The following CUBN variants were observed in gnomAD, a reference collection of about 807,000 sequenced individuals.
CUBN encodes 460 kDa receptor.
A neutral mutation model predicts 405.3 loss-of-function variants in CUBN; 282 were observed. The observed-to-expected ratio is 0.70, with a 90% CI of 0.63 to 0.77. CUBN has a LOEUF of 0.77. Ranked by LOEUF, CUBN falls within the 30% of genes least tolerant of loss-of-function variation. The pLI, the probability that CUBN is intolerant of heterozygous loss-of-function variation, is 0.00. For synonymous variants in CUBN, 1,684 were observed against 1,617.0 expected, an observed-to-expected ratio of 1.04 and a Z score of -0.99; for missense variants, 4,514 against 4,475.2, an observed-to-expected ratio of 1.01 and a Z score of -0.25.
intron 59 of CUBN, among the ~76,000 whole-genome samples, chr10:16,857,203 G>C (rs1386524995): frequency 6.6e-6 from 1 of 152,084 alleles, no homozygotes; most frequent in South Asian, 2.1e-4. Context: ...GTTTTTTATT[G>C]TTTTGTTTGT....
At chr10:16,987,936 C>T (rs7072049) in intron 29 of CUBN, among the ~76,000 whole-genome samples, 81,666 of 152,058 alleles carry the variant, frequency 0.54, 23,662 homozygotes, top group African/African-American at 0.76. Flanking sequence ...TGGTGGAACA[C>T]GGGAGGCCAC....
chr10:16,996,833 A>G (rs1833747601), intron 28 of CUBN, among the ~76,000 whole-genome samples: 1 of 152,236 alleles, frequency 6.6e-6, no homozygotes, highest in Non-Finnish European at 1.5e-5. Flanking sequence ...TAAAGCCCAA[A>G]GAGGATGGCA....
rs1055505098 is a variant in CUBN, at chr10:16,825,197, G to A, written c.10765-115C>T. On this transcript the variant is annotated intron_variant, in intron 66 of 66. Coordinates refer to ENST00000377833, the MANE Select transcript of CUBN (RefSeq NM_001081.4). Reference sequence around the variant, plus strand: ...AAAGAAACTTTATAGAATTTATGGTGAACCTGCATATATTTCTTGAAGTAA... The same window carrying A: ...AAAGAAACTTTATAGAATTTATGGTAAACCTGCATATATTTCTTGAAGTAA... The A allele has an allele frequency of 7.1e-6, 5 of 700,620 alleles. No homozygotes were observed. In the African/African-American group the frequency reaches 8.9e-5, roughly 12 times the overall value. 43.4% of individuals were successfully genotyped at this position (700,620 alleles called of 1,614,324 possible). A position where few individuals can be genotyped will look rare whatever the true frequency, so the allele number is the denominator to read the frequency against.
At chr10:16,872,691 T>C (rs1840395754) in intron 58 of CUBN, among the ~76,000 whole-genome samples, 1 of 152,220 alleles carries the variant, frequency 6.6e-6, no homozygotes, top group Admixed American at 6.5e-5. Flanking sequence ...CAGTTTATGA[T>C]ATTTTGTTAA....
chr10:17,034,685 G>A (rs1181821051), intron 27 of CUBN, among the ~76,000 whole-genome samples: 1 of 152,118 alleles, frequency 6.6e-6, no homozygotes, highest in African/African-American at 2.4e-5. Flanking sequence ...CAGTTATAAG[G>A]ACTTTATCCT....
At chr10:16,862,402 T>C (rs959850126) in intron 59 of CUBN, among the ~76,000 whole-genome samples, 4 of 152,162 alleles carry the variant, frequency 2.6e-5, no homozygotes, top group African/African-American at 7.2e-5. Context: ...CTGGTAGCTC[T>C]GAGGATTAGA....
intron 56 of CUBN, among the ~76,000 whole-genome samples, chr10:16,883,120 T>C (rs1840711370): frequency 6.6e-6 from 1 of 151,686 alleles, no homozygotes; most frequent in South Asian, 2.1e-4. Flanking sequence ...AAGAAATGGG[T>C]TCTAGGCAGA....
chr10:16,826,527 CATT>C (rs1219225425), intron 66 of CUBN, among the ~76,000 whole-genome samples: 1 of 151,950 alleles, frequency 6.6e-6, no homozygotes, highest in Non-Finnish European at 1.5e-5. Flanking sequence ...TACATTTTTT[CATT>C]TATGTTTAAC....
At chr10:17,032,157 G>T (rs1300009492) in intron 27 of CUBN, among the ~76,000 whole-genome samples, 2 of 152,194 alleles carry the variant, frequency 1.3e-5, no homozygotes, top group Non-Finnish European at 2.9e-5. Flanking sequence ...GCTGGTGTAA[G>T]GGTGAGAAAC....
chr10:16,901,381 T>G lies in CUBN; in HGVS notation c.8141A>C (p.His2714Pro). 1 of 1,614,148 alleles carries G rather than the reference T, an allele frequency of 6.2e-7. No homozygotes were observed. The highest frequency in any genetic ancestry group is 1.1e-5 in the South Asian group (1 of 91,086). The stretch of plus-strand genomic sequence containing the variant: ...TGGGGCCTCCAACAGCGAAGAGCAG[T>G]GGGTCAGGCTGTCATAAGCATTTGG... ...NYPNAYDSLT[H>P]CSSLLEAPQG... Residue 2714 changes from histidine to proline, a missense_variant, in exon 52 of 67, where the codon CAC (histidine) becomes CCC (proline). His to Pro is a moderately conservative substitution (Grantham distance 77). Around this residue, in one of 5 missense-constraint regions of CUBN, gnomAD observed 1,186 missense variants for 1,186.9 expected, o/e 1.00. Coordinates refer to ENST00000377833, the MANE Select transcript of CUBN (RefSeq NM_001081.4).
At chr10:16,951,035 A>T (rs957805934) in intron 33 of CUBN, among the ~76,000 whole-genome samples, 6 of 152,112 alleles carry the variant, frequency 3.9e-5, no homozygotes, top group African/African-American at 1.4e-4. Flanking sequence ...ACCTGGATAC[A>T]TTTTCTTTTT....
chr10:17,016,681 A>C (rs1467426717), intron 28 of CUBN, among the ~76,000 whole-genome samples: 1 of 152,034 alleles, frequency 6.6e-6, no homozygotes, highest in East Asian at 1.9e-4. Flanking sequence ...TACATAACCA[A>C]TATCCCGGGG....
intron 56 of CUBN, among the ~76,000 whole-genome samples, chr10:16,879,660 C>A (rs1283575672): frequency 6.6e-6 from 1 of 152,166 alleles, no homozygotes; most frequent in Non-Finnish European, 1.5e-5. Flanking sequence ...GTGACCCAAT[C>A]CAGTCCAATA....
intron 36 of CUBN, among the ~76,000 whole-genome samples, chr10:16,941,507 A>G (rs1351040317): frequency 6.6e-6 from 1 of 152,196 alleles, no homozygotes; most frequent in Non-Finnish European, 1.5e-5. Flanking sequence ...AAAAATTAAT[A>G]AATTTGAATT....
chr10:16,920,394 T>C (rs1246213263), intron 43 of CUBN, among the ~76,000 whole-genome samples: 1 of 152,148 alleles, frequency 6.6e-6, no homozygotes, highest in Non-Finnish European at 1.5e-5. Context: ...GCCAACCAAA[T>C]GATTATGGCA....
intron 30 of CUBN, among the ~76,000 whole-genome samples, chr10:16,983,578 A>G (rs539163424): frequency 6.6e-6 from 1 of 152,378 alleles, no homozygotes; most frequent in South Asian, 2.1e-4. Context: ...AGCATTCTGC[A>G]AATGTGGCTA....
chr10:16,947,893 A>C (rs4747289), intron 35 of CUBN, among the ~76,000 whole-genome samples: 23 of 152,072 alleles, frequency 1.5e-4, no homozygotes, highest in African/African-American at 5.3e-4. Flanking sequence ...TCCCCAGGTT[A>C]GGGCTGCCTT....
At chr10:16,898,507 C>G (rs890961489) in intron 54 of CUBN, among the ~76,000 whole-genome samples, 2 of 152,118 alleles carry the variant, frequency 1.3e-5, no homozygotes, top group African/African-American at 4.8e-5. Flanking sequence ...CAAAACAGTA[C>G]AGATGAAATG....
At chr10:16,967,671 A>G (rs537102189) in intron 31 of CUBN, among the ~76,000 whole-genome samples, 10 of 152,178 alleles carry the variant, frequency 6.6e-5, no homozygotes, top group South Asian at 6.2e-4. Context: ...GAGGGAAGAA[A>G]GAGAGAGTGA....
Sources: allele counts gnomAD v4.1 joint callset (sites outside exome capture counted in the v4.1 genomes callset), GRCh38; gene constraint gnomAD v4.1.1; regional missense constraint gnomAD v4.1.1; transcripts MANE v1.5; gene names NCBI Gene and HGNC (gene_info 2026-07-23, HGNC 2026-07-21).